DNASE1: variants seen among roughly 807,000 people sequenced by gnomAD.
The protein encoded by DNASE1 is deoxyribonuclease-1.
In DNASE1, 40 loss-of-function variants were observed where a neutral mutation model predicts 33.9. That is an observed-to-expected ratio of 1.18 (90% CI 0.92 to 1.54). The LOEUF (loss-of-function observed/expected upper bound fraction) is 1.54, where lower values mean the gene tolerates loss of function less well. Among genes scored for constraint, DNASE1 ranks in the 40% most tolerant of loss-of-function variants. The pLI is 0.00. For missense variants in DNASE1, 518 were observed against 372.6 expected (o/e 1.39, Z -3.21); for synonymous variants, 216 against 160.0 (o/e 1.35, Z -2.64).
chr16:3,663,177 T>TA, exon 10 of DNASE1: 1 of 658,134 alleles, frequency 1.5e-6, no homozygotes, highest in Non-Finnish European at 2.6e-6. Flanking sequence ...TTTAAAAAAA[T>TA]ACACAGCCTC....
intron 7 of DNASE1, 78 bp downstream of exon 7, chr16:3,657,419 G>A (rs1250676203): frequency 1.3e-6 from 2 of 1,563,728 alleles, no homozygotes; most frequent in Non-Finnish European, 1.7e-6. Context: ...GGCTTCAGAA[G>A]CCTCAAAGCC....
At chr16:3,654,087 C>T, upstream of DNASE1, 2 of 276,638 alleles carry the variant, frequency 7.2e-6, no homozygotes, top group Non-Finnish European at 1.3e-5. Flanking sequence ...CCAGCCTTGG[C>T]AACACAGTGT....
intron 1 of DNASE1, among the ~76,000 whole-genome samples, chr16:3,646,444 G>A (rs1210223157): frequency 6.6e-6 from 1 of 152,152 alleles, no homozygotes; most frequent in Non-Finnish European, 1.5e-5. Context: ...AAACACACCA[G>A]AGCAAATGAG....
Position 3,655,284 on chromosome 16 carries a change from C to A in DNASE1, c.-1-89C>A. 9 of 1,576,092 alleles carry A rather than the reference C, an allele frequency of 5.7e-6. No homozygotes were observed. In the South Asian group the frequency reaches 7.9e-5, roughly 14 times the overall value. On this transcript the variant is annotated intron_variant, in intron 1 of 8. Coordinates refer to ENST00000246949, the MANE Select transcript of DNASE1 (RefSeq NM_005223.4). ...CCCCCTGACCTTGAGCTCCACCAGC[C>A]CCTGCCAGCTGGGCTCCAGAAGGCT... is the stretch of plus-strand genomic sequence containing the variant.
In DNASE1 at chr16:3,643,550, G is replaced by A. The variant is rs187179599; in HGVS notation, c.-86+514G>A. Among the ~76,000 whole-genome samples the A allele has an allele frequency of 8.4e-4, 128 of 152,308 alleles. 2 individuals are homozygous for A. In the East Asian group the frequency reaches 0.02, roughly 24 times the overall value. On this transcript the variant is annotated intron_variant, in intron 1 of 9. Coordinates refer to the DNASE1 transcript ENST00000407479. ...TCACTGCTGCCCACCACGGAGCGGA[G>A]TGGGTGAGCTGTCCCTGTCGGGGGA...
intron 1 of DNASE1, among the ~76,000 whole-genome samples, chr16:3,627,462 A>C (rs371005668): frequency 6.6e-6 from 1 of 151,732 alleles, no homozygotes; most frequent in Non-Finnish European, 1.5e-5. Context: ...TTTTTTATAG[A>C]GACAAGGCCT....
At chr16:3,634,153 A>T (rs188458821) in intron 1 of DNASE1, among the ~76,000 whole-genome samples, 45 of 151,888 alleles carry the variant, frequency 3.0e-4, no homozygotes, top group Admixed American at 2.7e-3. Context: ...GACAGTAAGG[A>T]TGATTATTGA....
At chr16:3,619,492 G>A (rs1332491971) in intron 1 of DNASE1, among the ~76,000 whole-genome samples, 2 of 151,966 alleles carry the variant, frequency 1.3e-5, no homozygotes, top group Non-Finnish European at 2.9e-5. Flanking sequence ...CTCCCGAGTA[G>A]CTGGGGCTAC....
intron 2 of DNASE1, 70 bp downstream of exon 2, chr16:3,655,590 C>T (rs917359170): frequency 2.5e-6 from 4 of 1,606,232 alleles, no homozygotes; most frequent in African/African-American, 2.7e-5. Context: ...GCAGGGCCAG[C>T]CCTATGGAGC....
Position 3,657,724 on chromosome 16 carries a change from G to C in DNASE1, c.709G>C (p.Val237Leu). 6.2e-7 allele frequency: 1 copy of C among 1,613,988 alleles called. No individual in the cohort carries two copies. The highest frequency in any genetic ancestry group is 1.1e-5 in the South Asian group (1 of 91,078). ...TCTCTTCCCAACACCCATCAGGATC[G>C]TGGTTGCAGGGATGCTGCTCCGAGG... ...TPTHCAYDRIVVAGMLLRGAV... is the reference protein window; with the variant it reads ...TPTHCAYDRILVAGMLLRGAV... Residue 237 changes from valine to leucine, a missense_variant, in exon 8 of 9, where the codon GTG (valine) becomes CTG (leucine). Physicochemically the swap from Val to Leu is conservative, Grantham distance 32 (BLOSUM62 1). Transcript: ENST00000246949.
At chr16:3,658,853 G>C, downstream of DNASE1, 1 of 1,614,068 alleles carries the variant, frequency 6.2e-7, no homozygotes. Context: ...TCAGCTTCTT[G>C]ATGAGCGCGT....
chr16:3,642,986 T>C (rs929594942), exon 1 of DNASE1: 2 of 153,014 alleles, frequency 1.3e-5, no homozygotes, highest in African/African-American at 4.8e-5. Context: ...AGGCCCCAGC[T>C]TGAAGGCCTG....
intron 4 of DNASE1, among the ~76,000 whole-genome samples, 188 bp from the exon 5 acceptor site, chr16:3,656,426 CGCCCTCCTGTCGCCTGGGTCCCGG>C (rs1567210335): frequency 1.7e-5 from 2 of 117,820 alleles, no homozygotes; most frequent in South Asian, 3.5e-4. Context: ...CTGGCTCCCC[CGCCCTCCTGTCGCCTGGGTCCCGG>C]ACCAATGGGT....
At chr16:3,625,745 C>T (rs1311757972) in intron 1 of DNASE1, among the ~76,000 whole-genome samples, 1 of 152,158 alleles carries the variant, frequency 6.6e-6, no homozygotes, top group Non-Finnish European at 1.5e-5. Flanking sequence ...AAACCACTAA[C>T]CATAAAGAAG....
intron 1 of DNASE1, among the ~76,000 whole-genome samples, chr16:3,649,608 TTA>T (rs2042272513): frequency 6.6e-6 from 1 of 152,224 alleles, no homozygotes; most frequent in Admixed American, 6.5e-5. Context: ...GGCATATGCA[TTA>T]TGTCAGATCA....
Position 3,657,800 on chromosome 16 carries a change from G to C in DNASE1, c.785G>C (p.Gly262Ala). ...CCCTTTAACTTCCAGGCTGCCTATG[G>C]CCTGAGTGACCAACTGGTATGTGTC... ...ALPFNFQAAY[G>A]LSDQLAQAIS... is the part of the protein sequence containing the mutation. Residue 262 changes from glycine to alanine, a missense_variant, in exon 8 of 9, where the codon GGC becomes GCC. Transcript: ENST00000246949. 3.1e-6 allele frequency: 5 copies of C among 1,613,846 alleles called. No individual in the cohort carries two copies. The highest frequency in any genetic ancestry group is 4.2e-6 in the Non-Finnish European group (5 of 1,179,908).
At chr16:3,614,202 G>A (rs1315960622) in intron 1 of DNASE1, among the ~76,000 whole-genome samples, 1 of 151,850 alleles carries the variant, frequency 6.6e-6, no homozygotes, top group Non-Finnish European at 1.5e-5. Context: ...GTGAGCCACC[G>A]CGCCCGGCGT....
At chr16:3,639,385 G>A (rs959142931), upstream of DNASE1, among the ~76,000 whole-genome samples, 1 of 152,290 alleles carries the variant, frequency 6.6e-6, no homozygotes, top group East Asian at 1.9e-4. Flanking sequence ...TTTCTGGTGA[G>A]TTCAACAGCA....
At chr16:3,638,574 G>C (rs530951763), upstream of DNASE1, among the ~76,000 whole-genome samples, 2 of 152,140 alleles carry the variant, frequency 1.3e-5, no homozygotes, top group African/African-American at 2.4e-5. Flanking sequence ...TCCTGACCTC[G>C]TGATCCGCCT....
Sources: gnomAD v4.1 joint callset for allele counts (sites outside exome capture counted in the v4.1 genomes callset) on GRCh38, gnomAD v4.1.1 for gene constraint, MANE v1.5 for transcripts, NCBI Gene and HGNC (gene_info 2026-07-23, HGNC 2026-07-21) for gene names.